Variants in FAM167A observed in about 807,000 individuals in gnomAD.
The protein encoded by FAM167A is protein FAM167A.
A neutral mutation model predicts 14.9 loss-of-function variants in FAM167A; 23 were observed. The observed-to-expected ratio is 1.55, with a 90% CI of 1.11 to 2.19. The LOEUF is 2.19. Among genes scored for constraint, FAM167A ranks in the 30% most tolerant of loss-of-function variants. FAM167A has a pLI of 0.00. For missense variants in FAM167A, 401 were observed against 281.5 expected, an observed-to-expected ratio of 1.42 and a Z score of -3.04; for synonymous variants, 174 against 117.7, an observed-to-expected ratio of 1.48 and a Z score of -3.10.
At chr8:11,449,689 G>T (rs921842778) in intron 1 of FAM167A, among the ~76,000 whole-genome samples, 1 of 152,340 alleles carries the variant, frequency 6.6e-6, no homozygotes, top group East Asian at 1.9e-4. Flanking sequence ...AAGCCCTTGG[G>T]GGGGCGCGTC....
rs1237768667 is a variant in FAM167A, at chr8:11,423,967, C to G, written c.*406G>C. ...GCACATCTGACATGCCTAATTTCCC[C>G]CAAGGCCCTTGCGGGACAGCCTTCT... On this transcript the variant is annotated 3_prime_UTR_variant, in exon 3 of 3. Transcript: ENST00000284486. 4.8e-6 allele frequency: 1 copy of G among 206,832 alleles called. No individual in the cohort carries two copies. Among genetic ancestry groups the G allele is most frequent in the Admixed American group, 5.3e-5 (1 of 19,004 alleles). The allele number at this position is 206,832 out of a possible 1,614,324, so 12.8% of individuals were successfully genotyped here.
At chr8:11,460,325 A>G (rs1255147839) in intron 1 of FAM167A, among the ~76,000 whole-genome samples, 4 of 152,148 alleles carry the variant, frequency 2.6e-5, no homozygotes, top group African/African-American at 9.7e-5. Context: ...AGAGTTCCCG[A>G]CCTGGGAGTC....
At chr8:11,426,973 C>G (rs902820469) in intron 2 of FAM167A, among the ~76,000 whole-genome samples, 3 of 152,240 alleles carry the variant, frequency 2.0e-5, no homozygotes, top group African/African-American at 7.2e-5. Flanking sequence ...TGTCAATTTA[C>G]ATTGCCAGGG....
At chr8:11,456,423 G>GTGTGAGTGTGA (rs1807310532) in intron 1 of FAM167A, among the ~76,000 whole-genome samples, 1 of 32,428 alleles carries the variant, frequency 3.1e-5, no homozygotes, top group Non-Finnish European at 6.4e-5. Flanking sequence ...TGCCTTGCTG[G>GTGTGAGTGTGA]GTGTATGAGT....
upstream of FAM167A, among the ~76,000 whole-genome samples, chr8:11,469,169 A>G (rs924373336): frequency 2.0e-5 from 3 of 152,050 alleles, no homozygotes; most frequent in African/African-American, 7.2e-5. Context: ...TTCTCATTCC[A>G]ATATCTAATT....
At chr8:11,471,947 C>T (rs1807974433), upstream of FAM167A, among the ~76,000 whole-genome samples, 1 of 152,230 alleles carries the variant, frequency 6.6e-6, no homozygotes, top group African/African-American at 2.4e-5. Context: ...AGGCCTCACT[C>T]CCACCTCCCT....
chr8:11,426,961 G>A (rs1805213675), intron 2 of FAM167A, among the ~76,000 whole-genome samples: 1 of 152,220 alleles, frequency 6.6e-6, no homozygotes, highest in African/African-American at 2.4e-5. Flanking sequence ...GAGAAGATCA[G>A]ATGTCAATTT....
chr8:11,433,488 T>C (rs368703092), intron 2 of FAM167A, among the ~76,000 whole-genome samples: 12 of 152,290 alleles, frequency 7.9e-5, no homozygotes, highest in African/African-American at 2.6e-4. Context: ...TTTGGTGAAA[T>C]AAGGGCTGTG....
In FAM167A at chr8:11,466,726, T is replaced by C. The variant is rs892278936; in HGVS notation, c.-498A>G. ...CCGGCCTCAGCTCAGGGCTCCCGCC[T>C]CGCCTCCCCGAGCTCCGGTGAATTC... On this transcript the variant is annotated 5_prime_UTR_variant, in exon 1 of 3. Coordinates refer to ENST00000284486, the MANE Select transcript of FAM167A (RefSeq NM_053279.3). 6.6e-6 allele frequency: 1 copy of C among 152,074 alleles called. No individual in the cohort carries two copies. Among genetic ancestry groups the C allele is most frequent in the African/African-American group, 2.4e-5 (1 of 41,384 alleles). 9.4% of individuals were successfully genotyped at this position (152,074 alleles called of 1,614,324 possible). A position where few individuals can be genotyped will look rare whatever the true frequency, so the allele number is the denominator to read the frequency against.
At chr8:11,426,747 G>T (rs760992427) in intron 2 of FAM167A, among the ~76,000 whole-genome samples, 1 of 152,116 alleles carries the variant, frequency 6.6e-6, no homozygotes, top group Non-Finnish European at 1.5e-5. Flanking sequence ...TCAGCCTTTG[G>T]TTGATCAGTC....
At chr8:11,462,407 C>G (rs1807578614) in intron 1 of FAM167A, among the ~76,000 whole-genome samples, 1 of 152,178 alleles carries the variant, frequency 6.6e-6, no homozygotes, top group African/African-American at 2.4e-5. Flanking sequence ...CAAATGAGAT[C>G]AAGTTTACGT....
chr8:11,433,604 A>G (rs2117029445), intron 2 of FAM167A, among the ~76,000 whole-genome samples: 1 of 152,298 alleles, frequency 6.6e-6, no homozygotes, highest in East Asian at 1.9e-4. Context: ...GAGGCGAAAG[A>G]GTGCGTGTCC....
intron 1 of FAM167A, among the ~76,000 whole-genome samples, chr8:11,460,262 G>A (rs1807486710): frequency 6.6e-6 from 1 of 152,234 alleles, no homozygotes; most frequent in African/African-American, 2.4e-5. Flanking sequence ...CAGCATTGCC[G>A]ATGGGAGCGG....
intron 1 of FAM167A, among the ~76,000 whole-genome samples, chr8:11,459,647 T>C (rs1171974764): frequency 6.6e-6 from 1 of 152,204 alleles, no homozygotes; most frequent in Non-Finnish European, 1.5e-5. Flanking sequence ...AGTTCTGCCA[T>C]TAACAACCTG....
intron 2 of FAM167A, among the ~76,000 whole-genome samples, chr8:11,442,396 C>T (rs538561399): frequency 2.6e-5 from 4 of 152,196 alleles, no homozygotes; most frequent in South Asian, 2.1e-4. Context: ...CAGGTGGTTA[C>T]GGTACACGCC....
chr8:11,427,090 C>A (rs1330822597), intron 2 of FAM167A, among the ~76,000 whole-genome samples: 4 of 152,176 alleles, frequency 2.6e-5, no homozygotes, highest in African/African-American at 9.7e-5. Context: ...TTGCAGCTAT[C>A]TTATCTAGAA....
At chr8:11,466,978 T>A (rs1011906986), upstream of FAM167A, among the ~76,000 whole-genome samples, 2 of 152,160 alleles carry the variant, frequency 1.3e-5, no homozygotes, top group South Asian at 4.1e-4. Flanking sequence ...AAACCCCAGA[T>A]GAAACCAAAC....
intron 1 of FAM167A, among the ~76,000 whole-genome samples, chr8:11,473,856 T>C (rs1415294019): frequency 6.6e-6 from 1 of 152,042 alleles, no homozygotes; most frequent in African/African-American, 2.4e-5. Context: ...TTTGTTTCTT[T>C]TTCTTTTTCT....
chr8:11,424,769 C>G, intron 2 of FAM167A, 133 bp from the exon 3 acceptor site: 1 of 1,325,946 alleles, frequency 7.5e-7, no homozygotes, highest in Non-Finnish European at 1.0e-6. Flanking sequence ...AGCACTTTCC[C>G]TGCTCAGGGA....
Sources: allele counts gnomAD v4.1 joint callset (sites outside exome capture counted in the v4.1 genomes callset), GRCh38; gene constraint gnomAD v4.1.1; transcripts MANE v1.5; gene names NCBI Gene and HGNC (gene_info 2026-07-23, HGNC 2026-07-21).